Variants in CAPZB observed in about 807,000 individuals in gnomAD.
CAPZB encodes the protein F-actin-capping protein subunit beta.
In CAPZB, 2 loss-of-function variants were observed where a neutral mutation model predicts 38.1. The observed-to-expected ratio is 0.05, with a 90% CI of 0.02 to 0.17. The LOEUF (loss-of-function observed/expected upper bound fraction) is 0.17, where lower values mean the gene tolerates loss of function less well. Among genes scored for constraint, CAPZB ranks in the 10% least tolerant of loss-of-function variants. The probability of loss-of-function intolerance (pLI) is 1.00; values close to 1 mark genes in which losing one functional copy is unlikely to be tolerated. For missense variants in CAPZB, 161 were observed against 334.2 expected (o/e 0.48, Z 4.04); for synonymous variants, 107 against 127.4 (o/e 0.84, Z 1.08).
chr1:19,382,561 G>A lies in CAPZB; in HGVS notation c.215+2944C>T, dbSNP rs2094181377. Reference sequence around the variant, plus strand: ...TTGAAGTTTCATATCGAGAAGAGGAGAAAGAAAGACATACTTTCTGCCTCC... The same window carrying A: ...TTGAAGTTTCATATCGAGAAGAGGAAAAAGAAAGACATACTTTCTGCCTCC... On this transcript the variant is annotated intron_variant, in intron 3 of 8. Coordinates refer to ENST00000264202, the MANE Select transcript of CAPZB (RefSeq NM_004930.5). 2.0e-5 allele frequency among the ~76,000 whole-genome samples: 3 copies of A among 152,154 alleles called. No homozygotes were observed. The South Asian group carries it at 6.2e-4, about 32-fold the overall frequency.
At chr1:19,402,957 G>C (rs2094311108) in intron 2 of CAPZB, among the ~76,000 whole-genome samples, 1 of 152,260 alleles carries the variant, frequency 6.6e-6, no homozygotes, top group South Asian at 2.1e-4. Flanking sequence ...GCTGAGGCAG[G>C]AGAATTGCTT....
intron 8 of CAPZB, among the ~76,000 whole-genome samples, chr1:19,340,688 G>A (rs1276375222): frequency 3.3e-5 from 5 of 152,036 alleles, no homozygotes; most frequent in Non-Finnish European, 5.9e-5. Flanking sequence ...AACAAAAAGC[G>A]AAGTCAAGGC....
At chr1:19,478,434 T>C (rs151026795) in intron 1 of CAPZB, among the ~76,000 whole-genome samples, 1 of 152,356 alleles carries the variant, frequency 6.6e-6, no homozygotes, top group East Asian at 1.9e-4. Flanking sequence ...GCCAGGTGAA[T>C]GGCAACCACC....
intron 1 of CAPZB, among the ~76,000 whole-genome samples, chr1:19,447,066 C>T (rs1392000536): frequency 6.6e-6 from 1 of 152,124 alleles, no homozygotes; most frequent in African/African-American, 2.4e-5. Context: ...CAAAAAATGA[C>T]ACCTGCCACA....
intron 3 of CAPZB, among the ~76,000 whole-genome samples, chr1:19,381,180 C>CA (rs201642565): frequency 0.041 from 6,188 of 149,436 alleles, 149 homozygotes; most frequent in African/African-American, 0.056. Flanking sequence ...GGGAAACAAA[C>CA]AAAAAAAAAT....
At chr1:19,442,526 G>A (rs74056883) in intron 1 of CAPZB, among the ~76,000 whole-genome samples, 2,051 of 152,286 alleles carry the variant, frequency 0.013, 51 homozygotes, top group African/African-American at 0.047. Flanking sequence ...GTAAGGCCTG[G>A]TTGCCACCTA....
intron 2 of CAPZB, among the ~76,000 whole-genome samples, chr1:19,390,884 A>G (rs1182457038): frequency 6.6e-6 from 1 of 152,128 alleles, no homozygotes; most frequent in Non-Finnish European, 1.5e-5. Flanking sequence ...GCCCTTCCCT[A>G]TGATCCTGAC....
chr1:19,427,587 C>T (rs1158554168), intron 1 of CAPZB, among the ~76,000 whole-genome samples: 1 of 152,216 alleles, frequency 6.6e-6, no homozygotes, highest in Non-Finnish European at 1.5e-5. Flanking sequence ...TGGGCCGGCC[C>T]AGCCGACCAC....
rs2094025457 is a variant in CAPZB at position 19,357,065 on chromosome 1, A to G, written c.472-314T>C. Among the ~76,000 whole-genome samples, 1 of 152,032 alleles carries G rather than the reference A, an allele frequency of 6.6e-6. No individual in the cohort carries two copies. The highest frequency in any genetic ancestry group is 6.5e-5 in the Admixed American group (1 of 15,276). ...TTTTTGGTAGAGATGCGGTTTCGCC[A>G]TATTGGCCAGGCTGGTCTTGAACTC... On this transcript the variant is annotated intron_variant, in intron 5 of 8. Transcript: ENST00000264202. This position sits in a 1 kb window ranked among gnomAD's most constrained non-coding sequence, Gnocchi z 4.3.
intron 3 of CAPZB, among the ~76,000 whole-genome samples, chr1:19,384,203 C>A (rs112578945): frequency 0.018 from 2,695 of 152,284 alleles, 80 homozygotes; most frequent in African/African-American, 0.061. Context: ...AAGACCCTGC[C>A]AGACCTGCCC....
intron 1 of CAPZB, among the ~76,000 whole-genome samples, chr1:19,443,139 C>A (rs140453428): frequency 6.6e-6 from 1 of 152,026 alleles, no homozygotes; most frequent in East Asian, 1.9e-4. Context: ...GTAATCACAG[C>A]ACTTTGTGAG....
chr1:19,354,716 C>G (rs1002611945), intron 6 of CAPZB, among the ~76,000 whole-genome samples: 1 of 152,130 alleles, frequency 6.6e-6, no homozygotes, highest in Non-Finnish European at 1.5e-5. Flanking sequence ...ATTAGGAGGG[C>G]TGAGGATTAA....
rs549188693 is a variant in CAPZB, at chr1:19,472,003, G to A, written c.3+13433C>T. On this transcript the variant is annotated intron_variant, in intron 1 of 8. Transcript: ENST00000264202. Reference sequence around the variant, plus strand: ...GAGGATATTCCCAGGATTCTCCTACGTGCTCTCCATCTGGAATACAGAAAG... The same window carrying A: ...GAGGATATTCCCAGGATTCTCCTACATGCTCTCCATCTGGAATACAGAAAG... 1.3e-4 allele frequency among the ~76,000 whole-genome samples: 20 copies of A among 152,044 alleles called. No homozygotes were observed. The South Asian group carries it at 1.9e-3, about 14-fold the overall frequency.
At chr1:19,384,903 C>T (rs2094195465) in intron 3 of CAPZB, among the ~76,000 whole-genome samples, 1 of 152,126 alleles carries the variant, frequency 6.6e-6, no homozygotes, top group Admixed American at 6.5e-5. Context: ...CCACCCTGAA[C>T]AGACTTTGCA....
chr1:19,443,680 G>A (rs1430731686), intron 1 of CAPZB, among the ~76,000 whole-genome samples: 2 of 152,200 alleles, frequency 1.3e-5, no homozygotes, highest in Non-Finnish European at 2.9e-5. Context: ...TGTCTCCGGT[G>A]TGCCAGGCAC....
intron 1 of CAPZB, chr1:19,484,407 C>A: frequency 6.6e-7 from 1 of 1,526,042 alleles, no homozygotes; most frequent in Non-Finnish European, 8.8e-7. Context: ...CCACTCAGGC[C>A]CGGGCGCCGT....
intron 8 of CAPZB, chr1:19,342,766 T>C (rs758668016): frequency 1.2e-6 from 2 of 1,609,762 alleles, no homozygotes; most frequent in Admixed American, 3.3e-5. Context: ...ATCGGCTTAA[T>C]TATCAGGCTG....
intron 1 of CAPZB, among the ~76,000 whole-genome samples, chr1:19,432,042 C>CAAAAAAAAAAAAAAAAAAAAA (rs10583269): frequency 8.2e-6 from 1 of 122,548 alleles, no homozygotes; most frequent in Non-Finnish European, 1.7e-5. Context: ...GATCCTGTCT[C>CAAAAAAAAAAAAAAAAAAAAA]AAAAAAAAAA....
At chr1:19,437,376 T>A (rs2094461478) in intron 1 of CAPZB, among the ~76,000 whole-genome samples, 1 of 152,158 alleles carries the variant, frequency 6.6e-6, no homozygotes, top group East Asian at 1.9e-4. Flanking sequence ...ATTCCTCACC[T>A]ACAAACGAAA....
Sources: gnomAD v4.1 joint callset for allele counts (sites outside exome capture counted in the v4.1 genomes callset) on GRCh38, gnomAD v4.1.1 for gene constraint, Gnocchi (gnomAD v3.1) non-coding constraint, MANE v1.5 for transcripts, NCBI Gene and HGNC (gene_info 2026-07-23, HGNC 2026-07-21) for gene names.